CNBD2: variants seen among roughly 807,000 people sequenced by gnomAD.
The protein encoded by CNBD2 is cyclic nucleotide binding domain containing 2, also known as cyclic nucleotide-binding domain-containing protein 2.
In CNBD2, 64 loss-of-function variants were observed where a neutral mutation model predicts 63.7. The ratio of observed to expected loss-of-function variants is 1.00; its 90% CI spans 0.82 to 1.24. CNBD2 has a LOEUF of 1.24. Ranked by LOEUF, CNBD2 falls within the 50% of genes most tolerant of loss-of-function variation. CNBD2 has a pLI of 0.00. For synonymous variants in CNBD2, 229 were observed against 255.4 expected, an observed-to-expected ratio of 0.90 and a Z score of 0.99; for missense variants, 691 against 713.5, an observed-to-expected ratio of 0.97 and a Z score of 0.36.
intron 10 of CNBD2, among the ~76,000 whole-genome samples, chr20:36,019,751 G>A (rs974732789): frequency 3.9e-5 from 6 of 151,986 alleles, no homozygotes; most frequent in Non-Finnish European, 8.8e-5. Context: ...GGCCTTAGGC[G>A]GCATGAGATT....
intron 8 of CNBD2, among the ~76,000 whole-genome samples, chr20:35,995,531 T>G (rs1375108631): frequency 1.3e-5 from 2 of 152,244 alleles, no homozygotes; most frequent in East Asian, 3.8e-4. Context: ...TTTGGCTTTT[T>G]GCATCTGACT....
chr20:35,983,355 T>C (rs1433433166), intron 4 of CNBD2, among the ~76,000 whole-genome samples: 1 of 152,148 alleles, frequency 6.6e-6, no homozygotes, highest in Non-Finnish European at 1.5e-5. Context: ...AATTGAGATT[T>C]GGACTTGCAT....
At chr20:35,977,993 C>T (rs779268704) in intron 3 of CNBD2, among the ~76,000 whole-genome samples, 2 of 152,090 alleles carry the variant, frequency 1.3e-5, no homozygotes, top group Admixed American at 1.3e-4. Flanking sequence ...CTTCTAATAA[C>T]GCTAAACTTC....
At chr20:36,000,124 T>C (rs902874789) in intron 8 of CNBD2, among the ~76,000 whole-genome samples, 1 of 152,366 alleles carries the variant, frequency 6.6e-6, no homozygotes, top group Non-Finnish European at 1.5e-5. Flanking sequence ...CCTGAAGTAC[T>C]TCCTTTAACA....
intron 9 of CNBD2, 148 bp downstream of exon 9, chr20:36,008,622 G>A (rs2057016405): frequency 1.4e-6 from 1 of 732,976 alleles, no homozygotes; most frequent in African/African-American, 1.8e-5. Context: ...AGGCAACCTA[G>A]AGATGTCCTG....
downstream of CNBD2, chr20:35,958,972 C>T (rs947071934): frequency 6.6e-6 from 1 of 152,166 alleles, no homozygotes; most frequent in Non-Finnish European, 1.5e-5. Context: ...CTTTTTATTG[C>T]TGAGTAGTAA....
At chr20:35,976,830 A>C (rs2056526373) in intron 3 of CNBD2, among the ~76,000 whole-genome samples, 1 of 152,194 alleles carries the variant, frequency 6.6e-6, no homozygotes, top group East Asian at 1.9e-4. Context: ...TGGAGTAGCC[A>C]CGTTGTTGTT....
intron 7 of CNBD2, among the ~76,000 whole-genome samples, chr20:35,988,333 A>AT (rs975767359): frequency 2.7e-5 from 4 of 150,100 alleles, no homozygotes; most frequent in Admixed American, 6.6e-5. Flanking sequence ...TGCCTGGCTA[A>AT]TTTTTTTTTG....
At chr20:35,975,678 CTCCTT>C (rs1016730947) in intron 2 of CNBD2, among the ~76,000 whole-genome samples, 1 of 152,154 alleles carries the variant, frequency 6.6e-6, no homozygotes, top group Non-Finnish European at 1.5e-5. Flanking sequence ...CCTTTTCTCT[CTCCTT>C]TCCTGTTTCC....
chr20:35,993,866 T>A (rs948711961), intron 7 of CNBD2, among the ~76,000 whole-genome samples: 2 of 138,320 alleles, frequency 1.4e-5, no homozygotes, highest in Non-Finnish European at 3.1e-5. Context: ...ATTCAGCTAA[T>A]CTTTTTTTTT....
intron 10 of CNBD2, among the ~76,000 whole-genome samples, chr20:36,015,068 ACT>A (rs1161288326): frequency 2.0e-5 from 3 of 152,150 alleles, no homozygotes; most frequent in Admixed American, 2.0e-4. Context: ...AACAGGTATG[ACT>A]CAACATCTCA....
At chr20:35,979,896 C>A (rs1230372015) in intron 3 of CNBD2, among the ~76,000 whole-genome samples, 3 of 152,080 alleles carry the variant, frequency 2.0e-5, no homozygotes, top group Admixed American at 6.6e-5. Context: ...TGGAGAGAAG[C>A]CATTGAGGGT....
chr20:35,975,628 T>C (rs1191922677), intron 2 of CNBD2, among the ~76,000 whole-genome samples: 1 of 152,064 alleles, frequency 6.6e-6, no homozygotes, highest in Non-Finnish European at 1.5e-5. Flanking sequence ...CTTCCTTTTC[T>C]TCCTCCTCTA....
intron 8 of CNBD2, among the ~76,000 whole-genome samples, chr20:35,998,030 TTTTC>T (rs1434255432): frequency 1.3e-5 from 2 of 150,048 alleles, no homozygotes; most frequent in African/African-American, 5.0e-5. Flanking sequence ...CTGATTTCTT[TTTTC>T]TTTTTCTTTT....
intron 8 of CNBD2, among the ~76,000 whole-genome samples, chr20:36,007,070 T>C (rs112481237): frequency 0.17 from 26,050 of 151,772 alleles, 2,364 homozygotes; most frequent in Middle Eastern, 0.24. Flanking sequence ...GCGCCTGTAG[T>C]CCCAGCTACT....
At chr20:36,001,531 CT>C (rs2056903813) in intron 8 of CNBD2, among the ~76,000 whole-genome samples, 1 of 145,626 alleles carries the variant, frequency 6.9e-6, no homozygotes, top group African/African-American at 2.6e-5. Context: ...GGGCGGCCGG[CT>C]GGGCGGAGAC....
At chr20:35,970,801 G>A (rs1489422342) in intron 1 of CNBD2, among the ~76,000 whole-genome samples, 1 of 151,862 alleles carries the variant, frequency 6.6e-6, no homozygotes, top group Non-Finnish European at 1.5e-5. Context: ...TTGCAACCTT[G>A]AACTCCTGGG....
intron 10 of CNBD2, among the ~76,000 whole-genome samples, chr20:36,022,195 C>CTTTTTCTTTTTTTTTTTTT (rs1230527853): frequency 1.8e-5 from 1 of 56,266 alleles, no homozygotes; most frequent in African/African-American, 7.9e-5. Context: ...TTTTTTTTTT[C>CTTTTTCTTTTTTTTTTTTT]TTTTTTTTTT....
intron 8 of CNBD2, among the ~76,000 whole-genome samples, chr20:36,001,207 C>G (rs1188826597): frequency 6.6e-6 from 1 of 152,096 alleles, no homozygotes; most frequent in Non-Finnish European, 1.5e-5. Context: ...TTCTATTCCA[C>G]AAAACCGCCA....
Sources: gnomAD v4.1 joint callset for allele counts (sites outside exome capture counted in the v4.1 genomes callset) on GRCh38, gnomAD v4.1.1 for gene constraint, MANE v1.5 for transcripts, NCBI Gene and HGNC (gene_info 2026-07-23, HGNC 2026-07-21) for gene names.